The following ARB2A variants were observed in gnomAD, a reference collection of about 807,000 sequenced individuals.
ARB2A encodes ARB2 cotranscriptional regulator A.
the ARB2A span, among the ~76,000 whole-genome samples, chr5:93,851,723 G>C: frequency 2.1e-3 from 314 of 152,090 alleles, 2 homozygotes; most frequent in African/African-American, 6.4e-3. Flanking sequence ...TTGTTCTTGC[G>C]ATAGTTTACT....
the ARB2A span, among the ~76,000 whole-genome samples, chr5:93,949,271 C>A: frequency 6.6e-6 from 1 of 151,916 alleles, no homozygotes; most frequent in Non-Finnish European, 1.5e-5. Context: ...TCTCCCGGCC[C>A]ACACCCGATG....
the ARB2A span, chr5:93,736,510 G>C: frequency 2.0e-4 from 30 of 151,994 alleles, no homozygotes; most frequent in Non-Finnish European, 3.8e-4. Flanking sequence ...CATCACCCCG[G>C]GTGAGTCATT....
the ARB2A span, among the ~76,000 whole-genome samples, chr5:93,727,206 T>A: frequency 6.6e-6 from 1 of 152,064 alleles, no homozygotes; most frequent in Non-Finnish European, 1.5e-5. Flanking sequence ...AAATAAACAA[T>A]GTATTCATAA....
At chr5:93,895,603 CT>C in the ARB2A span, among the ~76,000 whole-genome samples, 3 of 152,012 alleles carry the variant, frequency 2.0e-5, no homozygotes, top group Non-Finnish European at 4.4e-5. Flanking sequence ...AACTAAGTGA[CT>C]TTTTAAGTTA....
At chr5:93,927,998 CTT>C in the ARB2A span, among the ~76,000 whole-genome samples, 1 of 147,268 alleles carries the variant, frequency 6.8e-6, no homozygotes, top group Admixed American at 6.8e-5. Flanking sequence ...TTACCAATTC[CTT>C]TTTTTTTTTC....
At chr5:93,648,944 AAG>A in the ARB2A span, among the ~76,000 whole-genome samples, 1 of 152,204 alleles carries the variant, frequency 6.6e-6, no homozygotes, top group South Asian at 2.1e-4. Context: ...TCTTATTATA[AAG>A]AGTCATTATA....
the ARB2A span, among the ~76,000 whole-genome samples, chr5:93,698,648 T>C: frequency 1.3e-5 from 2 of 152,366 alleles, no homozygotes; most frequent in African/African-American, 4.8e-5. Flanking sequence ...CCTCTGCTAA[T>C]ACCAGGAAAG....
the ARB2A span, among the ~76,000 whole-genome samples, chr5:93,843,115 T>C: frequency 6.6e-6 from 1 of 152,170 alleles, no homozygotes. Flanking sequence ...GGTGGGAGTG[T>C]GCATGGGGGA....
the ARB2A span, among the ~76,000 whole-genome samples, chr5:93,839,504 AGGTTTT>A: frequency 2.5e-3 from 383 of 152,184 alleles, 1 homozygote; most frequent in African/African-American, 9.0e-3. Flanking sequence ...TGTCTCTGCC[AGGTTTT>A]GGTATCAGGA....
chr5:94,061,565 G>C, the ARB2A span, among the ~76,000 whole-genome samples: 4 of 152,124 alleles, frequency 2.6e-5, no homozygotes, highest in African/African-American at 7.2e-5. Context: ...ATCCATAAAA[G>C]AATCTCCTAG....
At chr5:94,099,720 T>G in the ARB2A span, among the ~76,000 whole-genome samples, 1 of 145,946 alleles carries the variant, frequency 6.9e-6, no homozygotes, top group Non-Finnish European at 1.5e-5. Context: ...ATAATCTGAA[T>G]AGGCTTTTGA....
the ARB2A span, among the ~76,000 whole-genome samples, chr5:93,866,885 T>C: frequency 1.2e-3 from 178 of 152,338 alleles, no homozygotes; most frequent in African/African-American, 4.1e-3. Flanking sequence ...CCTATTCTGG[T>C]AGAATCCTTC....
At chr5:94,014,386 A>G in the ARB2A span, among the ~76,000 whole-genome samples, 1 of 152,352 alleles carries the variant, frequency 6.6e-6, no homozygotes, top group East Asian at 1.9e-4. Context: ...GCCTTGCAGT[A>G]AAGAATCTAT....
the ARB2A span, among the ~76,000 whole-genome samples, chr5:93,981,189 C>A: frequency 6.6e-6 from 1 of 151,702 alleles, no homozygotes; most frequent in Non-Finnish European, 1.5e-5. Flanking sequence ...CACCTCAGCT[C>A]CCCAAGTAGC....
chr5:94,038,112 G>C, the ARB2A span, among the ~76,000 whole-genome samples: 1 of 151,868 alleles, frequency 6.6e-6, no homozygotes, highest in Non-Finnish European at 1.5e-5. Flanking sequence ...CCAAAATTAG[G>C]CAAGAAAACA....
chr5:94,045,375 C>T, the ARB2A span, among the ~76,000 whole-genome samples: 8 of 152,130 alleles, frequency 5.3e-5, no homozygotes, highest in East Asian at 9.7e-4. Context: ...CATCCAAGAA[C>T]GCTCTCTTGG....
At chr5:93,883,980 TCAG>T in the ARB2A span, among the ~76,000 whole-genome samples, 2 of 142,526 alleles carry the variant, frequency 1.4e-5, no homozygotes, top group South Asian at 4.4e-4. Context: ...CCTCTCATAC[TCAG>T]GAGTTAAAAT....
chr5:93,827,848 T>C, the ARB2A span, among the ~76,000 whole-genome samples: 1 of 152,078 alleles, frequency 6.6e-6, no homozygotes, highest in East Asian at 1.9e-4. Flanking sequence ...ATTTATTAAA[T>C]AGGGAATCCT....
the ARB2A span, among the ~76,000 whole-genome samples, chr5:93,757,344 G>T: frequency 6.6e-6 from 1 of 152,098 alleles, no homozygotes; most frequent in Non-Finnish European, 1.5e-5. Context: ...CCTTGTGAGA[G>T]ACCTAGACAT....
Sources: allele counts gnomAD v4.1 joint callset (sites outside exome capture counted in the v4.1 genomes callset), GRCh38; gene constraint gnomAD v4.1.1; transcripts MANE v1.5; gene names NCBI Gene and HGNC (gene_info 2026-07-23, HGNC 2026-07-21).